Variants in LAMA3 observed in about 807,000 individuals in gnomAD.
LAMA3 encodes laminin subunit alpha 3, also known as laminin subunit alpha-3.
In LAMA3, 281 loss-of-function variants were observed where a neutral mutation model predicts 402.0. That is an observed-to-expected ratio of 0.70 (90% CI 0.63 to 0.77). The LOEUF is 0.77. Among genes scored for constraint, LAMA3 ranks in the 30% least tolerant of loss-of-function variants. The pLI is 0.00. For missense variants in LAMA3, 3,840 were observed against 4,215.5 expected, an observed-to-expected ratio of 0.91 and a Z score of 2.47; for synonymous variants, 1,431 against 1,558.4, an observed-to-expected ratio of 0.92 and a Z score of 1.93.
intron 60 of LAMA3, among the ~76,000 whole-genome samples, chr18:23,917,263 T>C: frequency 6.6e-6 from 1 of 152,214 alleles, no homozygotes; most frequent in East Asian, 1.9e-4. Context: ...CTTTATCCAG[T>C]TTACCATTTA....
chr18:23,868,126 C>T (rs1404439430), intron 37 of LAMA3, among the ~76,000 whole-genome samples: 1 of 152,074 alleles, frequency 6.6e-6, no homozygotes, highest in Non-Finnish European at 1.5e-5. Context: ...CAACATGACA[C>T]TCAAAGGAAA....
chr18:23,705,349 C>T (rs1223293876), intron 1 of LAMA3, among the ~76,000 whole-genome samples: 1 of 151,930 alleles, frequency 6.6e-6, no homozygotes, highest in Non-Finnish European at 1.5e-5. Context: ...TCATAACACT[C>T]AGTTTATGAG....
chr18:23,868,341 G>T (rs2064417331), intron 37 of LAMA3, among the ~76,000 whole-genome samples: 1 of 152,052 alleles, frequency 6.6e-6, no homozygotes, highest in Non-Finnish European at 1.5e-5. Flanking sequence ...TGGCTTTCTT[G>T]GTACCATCTG....
intron 8 of LAMA3, among the ~76,000 whole-genome samples, chr18:23,771,777 G>A (rs2062203941): frequency 6.6e-6 from 1 of 152,190 alleles, no homozygotes; most frequent in South Asian, 2.1e-4. Context: ...TAAATTGTAG[G>A]TGGGGGAGTG....
intron 24 of LAMA3, 41 bp downstream of exon 24, chr18:23,834,029 A>G: frequency 6.2e-7 from 1 of 1,610,550 alleles, no homozygotes; most frequent in Non-Finnish European, 8.5e-7. Context: ...TAAAGGAACA[A>G]TTAGGAAATC....
intron 61 of LAMA3, 30 bp downstream of exon 61, chr18:23,921,084 C>G: frequency 1.2e-6 from 2 of 1,611,376 alleles, no homozygotes; most frequent in Non-Finnish European, 1.7e-6. Context: ...TTACTTGAAT[C>G]GTTAAATGTC....
intron 8 of LAMA3, among the ~76,000 whole-genome samples, chr18:23,772,617 G>A (rs1432585709): frequency 1.3e-5 from 2 of 152,172 alleles, no homozygotes; most frequent in African/African-American, 2.4e-5. Flanking sequence ...GAAAATGAGC[G>A]GTAATAAAGA....
intron 8 of LAMA3, among the ~76,000 whole-genome samples, chr18:23,773,209 G>C (rs1204790261): frequency 6.6e-6 from 1 of 152,200 alleles, no homozygotes; most frequent in African/African-American, 2.4e-5. Flanking sequence ...CATGTCAGGT[G>C]CTTCATTAAA....
At chr18:23,835,096 C>T (rs1568234971) in intron 24 of LAMA3, among the ~76,000 whole-genome samples, 1 of 152,184 alleles carries the variant, frequency 6.6e-6, no homozygotes, top group Non-Finnish European at 1.5e-5. Context: ...TAGATGAAAT[C>T]AGCAACCACT....
At position 23,810,955 on chromosome 18, in the gene LAMA3, T is replaced by C. The variant is rs759397180; in HGVS notation, c.1741+452T>C. Among the ~76,000 whole-genome samples the C allele has an allele frequency of 7.9e-5, 12 of 152,126 alleles. No individual in the cohort carries two copies. The East Asian group carries it at 2.3e-3, about 29-fold the overall frequency. ...ACTTGCCAGCAGGCTTAGCAGGACC[T>C]TTGCTGTGTTTCGGGCCTCTCTCCC... On this transcript the variant is annotated intron_variant, in intron 13 of 74. Coordinates refer to ENST00000313654, the MANE Select transcript of LAMA3 (RefSeq NM_198129.4).
At chr18:23,787,154 C>T (rs563837466) in intron 12 of LAMA3, among the ~76,000 whole-genome samples, 5 of 152,052 alleles carry the variant, frequency 3.3e-5, no homozygotes, top group African/African-American at 7.2e-5. Context: ...TGGTGGCAGG[C>T]GCCTGTAATC....
intron 1 of LAMA3, among the ~76,000 whole-genome samples, chr18:23,691,295 A>G (rs934363734): frequency 6.6e-6 from 1 of 152,320 alleles, no homozygotes; most frequent in South Asian, 2.1e-4. Context: ...TGTGTTGTGC[A>G]TATTTTAAAA....
chr18:23,742,775 G>T (rs2061585588), intron 2 of LAMA3, among the ~76,000 whole-genome samples: 1 of 151,988 alleles, frequency 6.6e-6, no homozygotes, highest in East Asian at 1.9e-4. Context: ...TGTCCTGTAG[G>T]TTTACAAATT....
chr18:23,885,775 C>T lies in LAMA3; in HGVS notation c.5303+922C>T, dbSNP rs115018258. On this transcript the variant is annotated intron_variant, in intron 41 of 74. Transcript: ENST00000313654. ...TTATTATAAAATGATGAAAAACAAA[C>T]GAGCAGAGAACCAGTGAGGGCCCCC... 9.6e-3 allele frequency among the ~76,000 whole-genome samples: 1,457 copies of T among 152,102 alleles called. 21 individuals carry two copies. Among genetic ancestry groups the T allele is most frequent in the African/African-American group, 0.033 (1,388 of 41,482 alleles).
chr18:23,954,430 C>G, intron 74 of LAMA3, 73 bp from the exon 75 acceptor site: 229 of 917,862 alleles, frequency 2.5e-4, no homozygotes, highest in Non-Finnish European at 3.6e-4. Flanking sequence ...AAAATACTAT[C>G]TTTTAAAATC....
At chr18:23,717,503 T>A (rs2145927634) in intron 2 of LAMA3, among the ~76,000 whole-genome samples, 1 of 149,934 alleles carries the variant, frequency 6.7e-6, no homozygotes, top group South Asian at 2.1e-4. Flanking sequence ...TTTTGGCCAA[T>A]AAGTTTGACA....
Position 23,851,849 on chromosome 18 carries a change from A to C in LAMA3, c.4136+4181A>C, listed in dbSNP as rs551859809. 4.6e-5 allele frequency among the ~76,000 whole-genome samples: 7 copies of C among 152,324 alleles called. No individual in the cohort carries two copies. In the South Asian group the frequency reaches 1.5e-3, roughly 32 times the overall value. ...GAGCTCCTGTCTCCTCACATGTATT[A>C]TGAAAAGTTAGATTGGATAATCGTT... On this transcript the variant is annotated intron_variant, in intron 32 of 74. Transcript: ENST00000313654.
Position 23,803,849 on chromosome 18 carries a change from T to C in LAMA3, c.1604-6517T>C, listed in dbSNP as rs894711565. On this transcript the variant is annotated intron_variant, in intron 12 of 74. Transcript: ENST00000313654. ...AGGCCTAAGTTTTCTCTTTCTTTGT[T>C]AACTGATCACAAGGAACTCACCATA... 2.0e-5 allele frequency among the ~76,000 whole-genome samples: 3 copies of C among 152,332 alleles called. No homozygotes were observed. In the South Asian group the frequency reaches 6.2e-4, roughly 32 times the overall value.
At chr18:23,871,322 A>G (rs1453153193) in intron 37 of LAMA3, 109 bp from the exon 38 acceptor site, 12 of 826,812 alleles carry the variant, frequency 1.5e-5, no homozygotes, top group Non-Finnish European at 2.1e-5. Context: ...ATTTCTCCCT[A>G]TGCATTTTAA....
Sources: gnomAD v4.1 joint callset for allele counts (sites outside exome capture counted in the v4.1 genomes callset) on GRCh38, gnomAD v4.1.1 for gene constraint, MANE v1.5 for transcripts, NCBI Gene and HGNC (gene_info 2026-07-23, HGNC 2026-07-21) for gene names.